Variants in GPT observed in about 807,000 individuals in gnomAD.
The protein encoded by GPT is alanine aminotransferase 1.
GPT carries 60 observed loss-of-function variants against 51.4 expected under a neutral mutation model. The observed-to-expected ratio is 1.17, with a 90% CI of 0.95 to 1.45. GPT has a LOEUF of 1.45. Ranked by LOEUF, GPT falls within the 40% of genes most tolerant of loss-of-function variation. The pLI is 0.00. For synonymous variants in GPT, 397 were observed against 303.1 expected, an observed-to-expected ratio of 1.31 and a Z score of -3.22; for missense variants, 853 against 704.0, an observed-to-expected ratio of 1.21 and a Z score of -2.40.
rs1826695844 is a variant in GPT at position 144,504,666 on chromosome 8, G to A, written c.225G>A (p.Gly75=). The A allele has an allele frequency of 1.2e-6, 2 of 1,613,208 alleles. No individual in the cohort carries two copies. The highest frequency in any genetic ancestry group is 1.1e-5 in the South Asian group (1 of 91,096). Residue 75 remains glycine (G), a synonymous_variant, in exon 2 of 11, where the codon GGG becomes GGA. Transcript: ENST00000394955. ...ACATCGGGGACGCACAGGCTATGGG[G>A]CAGAGGCCCATCACCTTCCTGCGCC... ...RANIGDAQAM[G]QRPITFLRQV...
chr8:144,504,554 G>A, intron 1 of GPT, 50 bp from the exon 2 acceptor site: 1 of 1,610,144 alleles, frequency 6.2e-7, no homozygotes, highest in Non-Finnish European at 8.5e-7. Flanking sequence ...GACAAGGGCT[G>A]AGGGGTTAGG....
At position 144,506,625 on chromosome 8, in the gene GPT, A is replaced by T; in HGVS notation, c.1256A>T (p.Gln419Leu). The change falls in exon 9 of 11, where the codon CAG (glutamine) becomes CTG (leucine). Residue 419 changes from glutamine (Q) to leucine (L), a missense_variant. Coordinates refer to ENST00000394955, the MANE Select transcript of GPT (RefSeq NM_005309.3). This position sits in a 1 kb window ranked among gnomAD's most constrained non-coding sequence, Gnocchi z 7.0. ...GCCATGTACTCCTTCCCGCGCGTGC[A>T]GCTGCCCCCGCGGGCGGTGGAGCGC... ...QGAMYSFPRV[Q>L]LPPRAVERAQ... 1 of 1,548,846 alleles carries T rather than the reference A, an allele frequency of 6.5e-7. No individual in the cohort carries two copies. The highest frequency in any genetic ancestry group is 8.7e-7 in the Non-Finnish European group (1 of 1,145,844).
upstream of GPT, chr8:144,503,935 G>GTCCCATGT (rs1826655621): frequency 2.9e-6 from 1 of 344,654 alleles, no homozygotes; most frequent in African/African-American, 2.1e-5. Flanking sequence ...GTCCCTCAGA[G>GTCCCATGT]CTGTCCGGAC....
Position 144,505,009 on chromosome 8 carries a change from G to C in GPT, c.373G>C (p.Val125Leu), listed in dbSNP as rs143080454. 1.9e-6 allele frequency: 3 copies of C among 1,613,090 alleles called. No homozygotes were observed. In the South Asian group the frequency reaches 3.3e-5, roughly 18 times the overall value. Residue 125 changes from valine to leucine, a missense_variant, in exon 4 of 11, where the codon GTC becomes CTC. Val to Leu is a conservative substitution (Grantham distance 32). Coordinates refer to ENST00000394955, the MANE Select transcript of GPT (RefSeq NM_005309.3). Reference protein sequence around the residue: ...CGGHSLGAYSVSSGIQLIRED... With the variant: ...CGGHSLGAYSLSSGIQLIRED... ...CTGCCCGAGTCCAGGGGCCTACAGC[G>C]TCAGCTCCGGCATCCAGCTGATCCG...
In GPT at chr8:144,506,403, G is replaced by C; in HGVS notation, c.1128G>C (p.Gln376His). The C allele has an allele frequency of 1.3e-6, 2 of 1,559,896 alleles. No homozygotes were observed. The highest frequency in any genetic ancestry group is 1.7e-6 in the Non-Finnish European group (2 of 1,154,902). The change falls in exon 8 of 11, where the codon CAG (glutamine) becomes CAC (histidine). Residue 376 changes from glutamine (Q) to histidine (H), a missense_variant. By Grantham distance (24) the Gln-to-His change is conservative (BLOSUM62 0). Transcript: ENST00000394955. This position sits in a 1 kb window ranked among gnomAD's most constrained non-coding sequence, Gnocchi z 7.0. ...APTDPSFAQF[Q>H]AEKQAVLAEL... ...CCGACCCCTCCTTTGCGCAGTTCCA[G>C]GCTGTGAGTTGGGGGCAGGAGGGGG...
Position 144,505,874 on chromosome 8 carries a change from G to C in GPT, c.766G>C (p.Glu256Gln), listed in dbSNP as rs200835664. ...TGQVQTRECI[E>Q]AVIRFAFEER... ...GCAGGTGCAGACCCGCGAGTGCATC[G>C]AGGCCGTGATCCGCTTCGCCTTCGA... Residue 256 changes from glutamate to glutamine, a missense_variant, in exon 6 of 11, where the codon GAG becomes CAG. Physicochemically the swap from Glu to Gln is conservative, Grantham distance 29 (BLOSUM62 2). Transcript: ENST00000394955. The C allele has an allele frequency of 4.0e-5, 63 of 1,565,846 alleles. No individual in the cohort carries two copies. The East Asian group carries it at 1.1e-3, about 28-fold the overall frequency.
rs1027395904 is a variant in GPT at position 144,504,650 on chromosome 8, A to G, written c.209A>G (p.Asp70Gly). ...GAGGTCATCCGTGCCAACATCGGGGACGCACAGGCTATGGGGCAGAGGCCC... is the reference window on the plus strand; with the variant it reads ...GAGGTCATCCGTGCCAACATCGGGGGCGCACAGGCTATGGGGCAGAGGCCC... ...FTEVIRANIG[D>G]AQAMGQRPIT... Residue 70 changes from aspartate (D) to glycine (G), a missense_variant, in exon 2 of 11, where the codon GAC becomes GGC. By Grantham distance (94) the Asp-to-Gly change is moderately conservative. Transcript: ENST00000394955. 5.0e-6 allele frequency: 8 copies of G among 1,613,110 alleles called. No individual in the cohort carries two copies. Among genetic ancestry groups the G allele is most frequent in the African/African-American group, 1.3e-5 (1 of 74,886 alleles).
chr8:144,506,610 C>G lies in GPT; in HGVS notation c.1241C>G (p.Ser414Cys). 6.4e-7 allele frequency: 1 copy of G among 1,562,782 alleles called. No individual in the cohort carries two copies. ...SCNPVQGAMY[S>C]FPRVQLPPRA... ...AACCCAGTGCAGGGCGCCATGTACTCCTTCCCGCGCGTGCAGCTGCCCCCG... is the reference window on the plus strand; with the variant it reads ...AACCCAGTGCAGGGCGCCATGTACTGCTTCCCGCGCGTGCAGCTGCCCCCG... The change falls in exon 9 of 11, where the codon TCC (serine) becomes TGC (cysteine). Residue 414 changes from serine (S) to cysteine (C), a missense_variant. Coordinates refer to ENST00000394955, the MANE Select transcript of GPT (RefSeq NM_005309.3). This position sits in a 1 kb window ranked among gnomAD's most constrained non-coding sequence, Gnocchi z 7.0.
At position 144,505,289 on chromosome 8, in the gene GPT, C is replaced by T. The variant is rs1826738206; in HGVS notation, c.539C>T (p.Thr180Met). 2.5e-6 allele frequency: 4 copies of T among 1,579,142 alleles called. No individual in the cohort carries two copies. The highest frequency in any genetic ancestry group is 1.8e-5 in the Admixed American group (1 of 54,514). ...GTGGCCGGCGAGGGCCACACACGCA[C>T]GGGTGTGCTCATCCCCATCCCCCAG... ...LLVAGEGHTR[T>M]GVLIPIPQYP... is the part of the protein sequence containing the mutation. Residue 180 changes from threonine to methionine, a missense_variant, in exon 5 of 11, where the codon ACG (threonine) becomes ATG (methionine). By Grantham distance (81) the Thr-to-Met change is moderately conservative. Transcript: ENST00000394955.
rs200388860 is a variant in GPT at position 144,504,824 on chromosome 8, C to G, written c.306C>G (p.Asp102Glu). The G allele has an allele frequency of 3.7e-6, 6 of 1,613,676 alleles. No individual in the cohort carries two copies. Among genetic ancestry groups the G allele is most frequent in the Non-Finnish European group, 5.1e-6 (6 of 1,180,014 alleles). ...TTCTGAGCAGCCCCAACTTCCCTGA[C>G]GATGCCAAGAAAAGGGCGGAGCGCA... ...PDLLSSPNFPDDAKKRAERIL... is the reference protein window; with the variant it reads ...PDLLSSPNFPEDAKKRAERIL... The change falls in exon 3 of 11, where the codon GAC (aspartate) becomes GAG (glutamate). Residue 102 changes from aspartate (D) to glutamate (E), a missense_variant. By Grantham distance (45) the Asp-to-Glu change is conservative. Transcript: ENST00000394955.
rs1172621499 is a variant in GPT, at chr8:144,506,388, C to G, written c.1113C>G (p.Ser371=). Residue 371 remains serine (S), a synonymous_variant, in exon 8 of 11, where the codon TCC becomes TCG. Transcript: ENST00000394955. The surrounding 1 kb of genome is among the most constrained non-coding windows in gnomAD (Gnocchi z 7.0). ...GCCCGCCCGCGCCCACCGACCCCTCCTTTGCGCAGTTCCAGGCTGTGAGTT... is the reference window on the plus strand; with the variant it reads ...GCCCGCCCGCGCCCACCGACCCCTCGTTTGCGCAGTTCCAGGCTGTGAGTT... ...VVSPPAPTDP[S]FAQFQAEKQA... 8.3e-6 allele frequency: 13 copies of G among 1,560,122 alleles called. No homozygotes were observed. The highest frequency in any genetic ancestry group is 4.7e-5 in the East Asian group (2 of 42,218).
chr8:144,505,342 G>C lies in GPT; in HGVS notation c.592G>C (p.Glu198Gln), dbSNP rs530505425. 365 of 1,573,750 alleles carry C rather than the reference G, an allele frequency of 2.3e-4. 4 individuals are homozygous for C. The South Asian group carries it at 4.1e-3, about 18-fold the overall frequency. Residue 198 changes from glutamate to glutamine, a missense_variant, in exon 5 of 11, where the codon GAG becomes CAG. Glu to Gln is a conservative substitution (Grantham distance 29). Transcript: ENST00000394955. The part of the protein sequence containing the change: ...QYPLYSATLA[E>Q]LGAVQVDYYL... ...CCCACTCTACTCGGCCACGCTGGCA[G>C]AGCTGGGCGCAGTGCAGGTGGATTA...
upstream of GPT, chr8:144,503,179 C>G (rs1390013715): frequency 6.6e-6 from 1 of 152,262 alleles, no homozygotes; most frequent in East Asian, 1.9e-4. Flanking sequence ...TTCTCCCAGC[C>G]AGCAGGATCA....
At position 144,506,346 on chromosome 8, in the gene GPT, G is replaced by T. The variant is rs774659581; in HGVS notation, c.1071G>T (p.Leu357=). The stretch of plus-strand genomic sequence containing the variant: ...GCCCGCCGGTGCCAGGACAGGCCCT[G>T]CTGGACCTGGTGGTCAGCCCGCCCG... ...RLCPPVPGQA[L]LDLVVSPPAP... Residue 357 remains leucine, a synonymous_variant, in exon 8 of 11, where the codon CTG becomes CTT. Coordinates refer to ENST00000394955, the MANE Select transcript of GPT (RefSeq NM_005309.3). This position sits in a 1 kb window ranked among gnomAD's most constrained non-coding sequence, Gnocchi z 7.0. The T allele has an allele frequency of 6.3e-7, 1 of 1,577,302 alleles. No homozygotes were observed. The highest frequency in any genetic ancestry group is 1.8e-5 in the Admixed American group (1 of 55,196).
chr8:144,503,119 G>C (rs1022120914), upstream of GPT: 1 of 152,400 alleles, frequency 6.6e-6, no homozygotes, highest in Non-Finnish European at 1.5e-5. Context: ...GAACAGAGAC[G>C]TGCACGGTGA....
intron 4 of GPT, 38 bp from the exon 5 acceptor site, chr8:144,505,208 A>C (rs1463726162): frequency 6.2e-7 from 1 of 1,611,722 alleles, no homozygotes; most frequent in African/African-American, 1.3e-5. Context: ...GTGCGGCCCC[A>C]GGCCTCGCCA....
In GPT at chr8:144,504,862, G is replaced by T; in HGVS notation, c.344G>T (p.Cys115Phe). Residue 115 changes from cysteine (C) to phenylalanine (F), a missense_variant, in exon 3 of 11, where the codon TGT (cysteine) becomes TTT (phenylalanine). Cys to Phe is a radical substitution (Grantham distance 205). Coordinates refer to ENST00000394955, the MANE Select transcript of GPT (RefSeq NM_005309.3). ...AGGGCGGAGCGCATCTTGCAGGCGT[G>T]TGGGGGCCACAGTCTGGGTGAGAGC... is the stretch of plus-strand genomic sequence containing the variant. The part of the protein sequence containing the change: ...KKRAERILQA[C>F]GGHSLGAYSV... 1.2e-6 allele frequency: 2 copies of T among 1,613,326 alleles called. No homozygotes were observed. The highest frequency in any genetic ancestry group is 1.7e-6 in the Non-Finnish European group (2 of 1,180,018).
In GPT at chr8:144,506,250, C is replaced by T. The variant is rs913261165; in HGVS notation, c.975C>T (p.Gly325=). Residue 325 remains glycine, a synonymous_variant, in exon 8 of 11, where the codon GGC becomes GGT. Transcript: ENST00000394955. The surrounding 1 kb of genome is among the most constrained non-coding windows in gnomAD (Gnocchi z 7.0). The part of the protein sequence containing the change: ...GYMGECGFRG[G]YVEVVNMDAA... ...TGCGCAGGTGCGGGTTCCGCGGCGG[C>T]TATGTGGAGGTGGTGAACATGGACG... is the stretch of plus-strand genomic sequence containing the variant. 43 of 1,606,906 alleles carry T rather than the reference C, an allele frequency of 2.7e-5. No homozygotes were observed. The highest frequency in any genetic ancestry group is 3.4e-5 in the Non-Finnish European group (40 of 1,179,058).
At position 144,504,825 on chromosome 8, in the gene GPT, G is replaced by A. The variant is rs767300625; in HGVS notation, c.307G>A (p.Asp103Asn). Residue 103 changes from aspartate to asparagine, a missense_variant, in exon 3 of 11, where the codon GAT becomes AAT. By Grantham distance (23) the Asp-to-Asn change is conservative. Transcript: ENST00000394955. ...TCTGAGCAGCCCCAACTTCCCTGAC[G>A]ATGCCAAGAAAAGGGCGGAGCGCAT... The part of the protein sequence containing the change: ...DLLSSPNFPD[D>N]AKKRAERILQ... The A allele has an allele frequency of 6.8e-6, 11 of 1,613,506 alleles. No homozygotes were observed. The highest frequency in any genetic ancestry group is 4.5e-5 in the East Asian group (2 of 44,904).
Sources: allele counts gnomAD v4.1 joint callset, GRCh38; gene constraint gnomAD v4.1.1; non-coding constraint Gnocchi (gnomAD v3.1); transcripts MANE v1.5; gene names NCBI Gene and HGNC (gene_info 2026-07-23, HGNC 2026-07-21).